The following TFEC variants were observed in gnomAD, a reference collection of about 807,000 sequenced individuals.
TFEC encodes transcription factor EC.
TFEC carries 31 observed loss-of-function variants against 41.6 expected under a neutral mutation model. That is an observed-to-expected ratio of 0.74 (90% CI 0.56 to 1.01). TFEC has a LOEUF of 1.01. Ranked by LOEUF, TFEC falls within the 50% of genes least tolerant of loss-of-function variation. The pLI, the probability that TFEC is intolerant of heterozygous loss-of-function variation, is 0.00. For missense variants in TFEC, 402 were observed against 404.1 expected (o/e 0.99, Z 0.04); for synonymous variants, 143 against 140.6 (o/e 1.02, Z -0.12).
chr7:116,030,732 C>A lies in TFEC; in HGVS notation c.-172G>T. The stretch of plus-strand genomic sequence containing the variant: ...TATGCACCATGCCAGAAGGGACAAC[C>A]AAAGTAAACGATCTAGCCGTGAGTA... On this transcript the variant is annotated 5_prime_UTR_variant, in exon 1 of 8. Transcript: ENST00000265440. The A allele has an allele frequency of 3.0e-6, 3 of 985,312 alleles. No individual in the cohort carries two copies. The highest frequency in any genetic ancestry group is 3.6e-6 in the Non-Finnish European group (3 of 829,922). The allele number at this position is 985,312 out of a possible 1,614,324, so 61.0% of individuals were successfully genotyped here.
chr7:115,975,271 T>C (rs1485671084), intron 2 of TFEC, among the ~76,000 whole-genome samples: 1 of 152,226 alleles, frequency 6.6e-6, no homozygotes, highest in African/African-American at 2.4e-5. Flanking sequence ...GCTTCCATCA[T>C]ATTCCATTTA....
At chr7:116,108,713 A>G (rs1033417043) in intron 3 of TFEC, among the ~76,000 whole-genome samples, 1 of 152,142 alleles carries the variant, frequency 6.6e-6, no homozygotes, top group Admixed American at 6.6e-5. Context: ...AAAGTTACCT[A>G]CAATAACCTC....
chr7:116,084,929 T>G (rs1797168704), intron 3 of TFEC, among the ~76,000 whole-genome samples: 1 of 151,926 alleles, frequency 6.6e-6, no homozygotes, highest in African/African-American at 2.4e-5. Flanking sequence ...TGCTGGCTGC[T>G]GTGACTAACG....
At chr7:115,945,375 G>A (rs2130257111) in intron 6 of TFEC, among the ~76,000 whole-genome samples, 1 of 151,622 alleles carries the variant, frequency 6.6e-6, no homozygotes, top group African/African-American at 2.4e-5. Context: ...CTTAGTCCAT[G>A]GAGCCAGACC....
At chr7:116,126,791 T>A in intron 1 of TFEC, among the ~76,000 whole-genome samples, 1 of 152,030 alleles carries the variant, frequency 6.6e-6, no homozygotes, top group East Asian at 1.9e-4. Flanking sequence ...AGGGTGAGAT[T>A]GAAAAAATAA....
intron 3 of TFEC, among the ~76,000 whole-genome samples, chr7:116,098,943 A>G (rs998242766): frequency 3.3e-5 from 5 of 151,996 alleles, no homozygotes; most frequent in Admixed American, 2.0e-4. Flanking sequence ...TTACAGATCA[A>G]TATCTTTCAT....
In TFEC at chr7:116,150,578, C is replaced by T. The variant is rs745465543; in HGVS notation, c.-69+9212G>A. Among the ~76,000 whole-genome samples, 11 of 151,720 alleles carry T rather than the reference C, an allele frequency of 7.3e-5. 1 individual carries two copies. The highest frequency in any genetic ancestry group is 4.6e-4 in the Admixed American group (7 of 15,222). ...TGACAACCAAACCACCACAGTCACA[C>T]GGTTATATATCACATGGTTGGGGAT... On this transcript the variant is annotated intron_variant, in intron 1 of 8. Coordinates refer to the TFEC transcript ENST00000484212.
intron 1 of TFEC, among the ~76,000 whole-genome samples, chr7:115,993,312 T>G (rs767161298): frequency 3.0e-4 from 45 of 152,266 alleles, no homozygotes; most frequent in Non-Finnish European, 4.0e-4. Flanking sequence ...AGAGATGCCC[T>G]CTATCACCAC....
intron 3 of TFEC, among the ~76,000 whole-genome samples, chr7:116,092,202 C>T (rs371439723): frequency 2.6e-5 from 4 of 152,212 alleles, no homozygotes; most frequent in African/African-American, 9.6e-5. Flanking sequence ...CCTGTGAACT[C>T]GAAAGCACTT....
intron 1 of TFEC, among the ~76,000 whole-genome samples, chr7:116,022,400 T>C (rs778395790): frequency 2.6e-4 from 40 of 152,168 alleles, no homozygotes; most frequent in Non-Finnish European, 4.0e-4. Flanking sequence ...TGAGCAGCAT[T>C]TAAGATTGCA....
intron 1 of TFEC, among the ~76,000 whole-genome samples, chr7:116,116,911 A>T (rs1056575471): frequency 2.0e-5 from 3 of 151,942 alleles, no homozygotes; most frequent in Non-Finnish European, 4.4e-5. Context: ...TTATATTCTG[A>T]TGAAAGAGAC....
At chr7:116,002,803 A>T (rs1019805047) in intron 1 of TFEC, among the ~76,000 whole-genome samples, 1 of 152,168 alleles carries the variant, frequency 6.6e-6, no homozygotes, top group Non-Finnish European at 1.5e-5. Flanking sequence ...CCCCTGTTAC[A>T]TACTCACAAA....
chr7:115,984,475 T>C lies in TFEC; in HGVS notation c.-34A>G. On this transcript the variant is annotated 5_prime_UTR_variant, in exon 2 of 8. Transcript: ENST00000265440. Reference sequence around the variant, plus strand: ...TTACTTTCTGTCTCTGGGCTTTCTGTAGCTGAGGCCTTGCAGAACTTTCCA... The same window carrying C: ...TTACTTTCTGTCTCTGGGCTTTCTGCAGCTGAGGCCTTGCAGAACTTTCCA... The C allele has an allele frequency of 6.2e-7, 1 of 1,614,074 alleles. No homozygotes were observed. Among genetic ancestry groups the C allele is most frequent in the Non-Finnish European group, 8.5e-7 (1 of 1,179,974 alleles).
At chr7:116,094,712 C>G (rs558766633) in intron 3 of TFEC, among the ~76,000 whole-genome samples, 2 of 152,052 alleles carry the variant, frequency 1.3e-5, no homozygotes, top group South Asian at 4.2e-4. Flanking sequence ...AACAAACAAA[C>G]AAAAAACAAC....
At chr7:116,028,173 CTTT>C (rs967491783) in intron 1 of TFEC, among the ~76,000 whole-genome samples, 9 of 152,246 alleles carry the variant, frequency 5.9e-5, no homozygotes, top group African/African-American at 1.9e-4. Context: ...TCCTGTTCTT[CTTT>C]ATTTATTGGT....
At chr7:115,954,905 C>T (rs1020157492) in intron 4 of TFEC, among the ~76,000 whole-genome samples, 3 of 152,012 alleles carry the variant, frequency 2.0e-5, no homozygotes, top group African/African-American at 7.2e-5. Context: ...TATTGCCACA[C>T]TTCTCTGTGT....
At chr7:115,973,052 GAA>G (rs1385301595) in intron 3 of TFEC, among the ~76,000 whole-genome samples, 2 of 151,386 alleles carry the variant, frequency 1.3e-5, no homozygotes, top group Non-Finnish European at 3.0e-5. Flanking sequence ...AATCTGAAGA[GAA>G]AAAAGGTAGA....
At chr7:116,048,252 C>T (rs1165068582) in intron 3 of TFEC, among the ~76,000 whole-genome samples, 1 of 152,208 alleles carries the variant, frequency 6.6e-6, no homozygotes, top group Admixed American at 6.5e-5. Context: ...AGACGAATGG[C>T]TAACTAGAAT....
intron 1 of TFEC, among the ~76,000 whole-genome samples, chr7:116,017,426 A>G (rs1475621222): frequency 2.0e-5 from 3 of 151,878 alleles, no homozygotes; most frequent in African/African-American, 7.3e-5. Flanking sequence ...GTTTCCCCAT[A>G]TTGGCCGGCT....
Sources: allele counts gnomAD v4.1 joint callset (sites outside exome capture counted in the v4.1 genomes callset), GRCh38; gene constraint gnomAD v4.1.1; transcripts MANE v1.5; gene names NCBI Gene and HGNC (gene_info 2026-07-23, HGNC 2026-07-21).